Variants in PRTG observed in about 807,000 individuals in gnomAD.
The protein encoded by PRTG is protogenin.
A neutral mutation model predicts 122.5 loss-of-function variants in PRTG; 67 were observed. The observed-to-expected ratio is 0.55, with a 90% confidence interval of 0.45 to 0.67. The LOEUF (loss-of-function observed/expected upper bound fraction) is 0.67. Ranked by LOEUF, PRTG falls within the 30% of genes least tolerant of loss-of-function variation. The pLI, the probability that PRTG is intolerant of heterozygous loss-of-function variation, is 0.00. For synonymous variants in PRTG, 554 were observed against 501.1 expected (o/e 1.11, Z -1.41); for missense variants, 1,435 against 1,415.4 (o/e 1.01, Z -0.22).
chr15:55,724,030 C>A (rs769653300), intron 2 of PRTG, among the ~76,000 whole-genome samples: 1 of 152,116 alleles, frequency 6.6e-6, no homozygotes. Flanking sequence ...GGATTACATA[C>A]GTGAGCCACC....
At chr15:55,691,893 C>G (rs919100248) in intron 2 of PRTG, among the ~76,000 whole-genome samples, 18 of 151,624 alleles carry the variant, frequency 1.2e-4, no homozygotes, top group African/African-American at 4.4e-4. Context: ...AAAAATTAGC[C>G]CAGTGTGGTG....
chr15:55,649,112 A>G (rs978661249), intron 11 of PRTG, among the ~76,000 whole-genome samples: 1 of 151,980 alleles, frequency 6.6e-6, no homozygotes, highest in Non-Finnish European at 1.5e-5. Flanking sequence ...AAAAAAACAA[A>G]AACAAAAAAA....
intron 2 of PRTG, among the ~76,000 whole-genome samples, chr15:55,721,578 T>G (rs1438247550): frequency 6.6e-6 from 1 of 152,208 alleles, no homozygotes; most frequent in African/African-American, 2.4e-5. Context: ...CTAATTAAAA[T>G]CTAGTTTTCC....
Position 55,619,781 on chromosome 15 carries a change from A to C in PRTG, c.*231T>G, listed in dbSNP as rs994271999. On this transcript the variant is annotated 3_prime_UTR_variant, in exon 20 of 20. Transcript: ENST00000389286. ...GCTAAAATACCCCATAAAGATATTA[A>C]GATTTTCACAAAAGGCTTTGGTTCC... 1.8e-5 allele frequency: 11 copies of C among 603,680 alleles called. No homozygotes were observed. In the African/African-American group the frequency reaches 2.0e-4, roughly 11 times the overall value. 37.4% of individuals were successfully genotyped at this position (603,680 alleles called of 1,614,324 possible). A position where few individuals can be genotyped will look rare whatever the true frequency, so the allele number is the denominator to read the frequency against.
At position 55,649,088 on chromosome 15, in the gene PRTG, C is replaced by CAA. The variant is rs11481493; in HGVS notation, c.2042-7882_2042-7881dup. Reference sequence around the variant, plus strand: ...CTCCAGACTGAGCAAGACTCCGTCTCAAAAAAAAAAAGAAAAAAAACAAAA... The same window carrying CAA: ...CTCCAGACTGAGCAAGACTCCGTCTCAAAAAAAAAAAAAGAAAAAAAACAAAA... On this transcript the variant is annotated intron_variant, in intron 11 of 19. Coordinates refer to ENST00000389286, the MANE Select transcript of PRTG (RefSeq NM_173814.6). 1.7e-3 allele frequency among the ~76,000 whole-genome samples: 227 copies of CAA among 136,366 alleles called. 1 individual carries two copies. The highest frequency in any genetic ancestry group is 3.4e-3 in the Admixed American group (47 of 13,758). The allele number at this position is 136,366 out of a possible 152,430, so 89.5% of individuals were successfully genotyped here.
rs1296538292 is a variant in PRTG at position 55,709,320 on chromosome 15, G to GT, written c.398-25390dup. On this transcript the variant is annotated intron_variant, in intron 2 of 19. Coordinates refer to ENST00000389286, the MANE Select transcript of PRTG (RefSeq NM_173814.6). ...CATAACAAAAAGAAAGTGCTGACAA[G>GT]TTTTTTTAAAAAAAGTTTATATATA... Among the ~76,000 whole-genome samples the GT allele has an allele frequency of 8.3e-4, 122 of 146,392 alleles. 1 individual carries two copies. The highest frequency in any genetic ancestry group is 3.0e-3 in the African/African-American group (120 of 40,280).
chr15:55,718,800 T>A (rs2030701622), intron 2 of PRTG, among the ~76,000 whole-genome samples: 2 of 152,090 alleles, frequency 1.3e-5, no homozygotes, highest in Non-Finnish European at 2.9e-5. Flanking sequence ...TGGAGTGCAG[T>A]GGTGCAATCT....
intron 2 of PRTG, among the ~76,000 whole-genome samples, chr15:55,689,697 G>A (rs2059589888): frequency 6.6e-6 from 1 of 151,962 alleles, no homozygotes; most frequent in South Asian, 2.1e-4. Context: ...GGAGGCCAAG[G>A]CGGGTGGATC....
intron 3 of PRTG, among the ~76,000 whole-genome samples, 185 bp downstream of exon 3, chr15:55,683,602 G>A (rs1448198564): frequency 6.6e-6 from 1 of 152,150 alleles, no homozygotes; most frequent in Non-Finnish European, 1.5e-5. Context: ...TCTAAACCAG[G>A]AACCATGCCC....
chr15:55,679,790 T>C, intron 6 of PRTG: 1 of 463,078 alleles, frequency 2.2e-6, no homozygotes, highest in East Asian at 3.5e-5. Context: ...GGTACACGGA[T>C]ATGTGTGTAG....
Position 55,742,964 on chromosome 15 carries a change from G to T in PRTG, c.-33C>A. The stretch of plus-strand genomic sequence containing the variant: ...AGCCGCGCGGGCATGCTCCCCGGCC[G>T]CCCAGAGCCCCTGTCCGTCTGCGGC... On this transcript the variant is annotated 5_prime_UTR_variant, in exon 1 of 20. Transcript: ENST00000389286. The T allele has an allele frequency of 6.8e-7, 1 of 1,465,236 alleles. No homozygotes were observed. Among genetic ancestry groups the T allele is most frequent in the Non-Finnish European group, 9.0e-7 (1 of 1,109,998 alleles). The allele number at this position is 1,465,236 out of a possible 1,614,324, so 90.8% of individuals were successfully genotyped here. A position where few individuals can be genotyped will look rare whatever the true frequency, so the allele number is the denominator to read the frequency against.
chr15:55,712,744 A>G (rs1567111185), intron 2 of PRTG, among the ~76,000 whole-genome samples: 1 of 152,206 alleles, frequency 6.6e-6, no homozygotes, highest in African/African-American at 2.4e-5. Flanking sequence ...ACTTCATGCA[A>G]ATTCGTTATT....
At chr15:55,721,872 T>A (rs1424498644) in intron 2 of PRTG, among the ~76,000 whole-genome samples, 1 of 152,156 alleles carries the variant, frequency 6.6e-6, no homozygotes, top group East Asian at 1.9e-4. Context: ...TTACTCATTA[T>A]CACAAGAATA....
intron 2 of PRTG, among the ~76,000 whole-genome samples, chr15:55,723,026 A>G (rs1260362346): frequency 6.6e-6 from 1 of 152,200 alleles, no homozygotes; most frequent in Non-Finnish European, 1.5e-5. Flanking sequence ...CCTGACAAAC[A>G]AAAGCCCCTG....
intron 2 of PRTG, among the ~76,000 whole-genome samples, chr15:55,714,236 T>A (rs1178195356): frequency 6.6e-6 from 1 of 151,482 alleles, no homozygotes; most frequent in Non-Finnish European, 1.5e-5. Flanking sequence ...TCTCTCTCAA[T>A]CTTTCTATGA....
chr15:55,730,267 A>G (rs2031184138), intron 2 of PRTG, among the ~76,000 whole-genome samples: 1 of 151,824 alleles, frequency 6.6e-6, no homozygotes, highest in Non-Finnish European at 1.5e-5. Context: ...ACGCCCAGCT[A>G]ATTTTTGTAT....
intron 18 of PRTG, among the ~76,000 whole-genome samples, chr15:55,621,552 G>C (rs1030836018): frequency 1.3e-5 from 2 of 150,068 alleles, no homozygotes; most frequent in African/African-American, 4.9e-5. Context: ...CCAGCTGCTG[G>C]GGAGGCTGAG....
chr15:55,672,959 T>C (rs1379689001), intron 10 of PRTG, among the ~76,000 whole-genome samples: 1 of 152,116 alleles, frequency 6.6e-6, no homozygotes, highest in Non-Finnish European at 1.5e-5. Context: ...TGTCAGCCAA[T>C]TAACAAGAAA....
Position 55,675,672 on chromosome 15 carries a change from C to T in PRTG, c.1393G>A (p.Glu465Lys). The T allele has an allele frequency of 6.4e-7, 1 of 1,558,226 alleles. No homozygotes were observed. Among genetic ancestry groups the T allele is most frequent in the Non-Finnish European group, 8.8e-7 (1 of 1,134,614 alleles). ...HYMKAEGLNN[E>K]EYQVVIGNDT... ...TTTCCGATGACTACTTGATACTCTT[C>T]ATTATTTAAACCTAAATTAAAGAAT... The change falls in exon 9 of 20, where the codon GAA becomes AAA. Residue 465 changes from glutamate to lysine, a missense_variant. Glu to Lys is a moderately conservative substitution (Grantham distance 56, BLOSUM62 1). Transcript: ENST00000389286.
Sources: gnomAD v4.1 joint callset for allele counts (sites outside exome capture counted in the v4.1 genomes callset) on GRCh38, gnomAD v4.1.1 for gene constraint, MANE v1.5 for transcripts, NCBI Gene and HGNC (gene_info 2026-07-23, HGNC 2026-07-21) for gene names.